The following NBPF12 variants were observed in gnomAD, a reference collection of about 807,000 sequenced individuals.
NBPF12 encodes NBPF member 12.
A neutral mutation model predicts 146.4 loss-of-function variants in NBPF12; 115 were observed. The ratio of observed to expected loss-of-function variants is 0.79; its 90% CI spans 0.68 to 0.92. The LOEUF (loss-of-function observed/expected upper bound fraction) is 0.92. Ranked by LOEUF, NBPF12 falls within the 40% of genes least tolerant of loss-of-function variation. The pLI is 0.00. For synonymous variants in NBPF12, 385 were observed against 508.9 expected, an observed-to-expected ratio of 0.76 and a Z score of 3.28; for missense variants, 1,205 against 1,326.8, an observed-to-expected ratio of 0.91 and a Z score of 1.43.
Position 146,975,266 on chromosome 1 carries a change from G to A in NBPF12, c.1905-411G>A, listed in dbSNP as rs1370734808. On this transcript the variant is annotated intron_variant, in intron 15 of 33. Coordinates refer to ENST00000617844, the Ensembl canonical transcript of NBPF12. ...GACCCTGTCATTCTTTTCTTCTTTC[G>A]TCTTTTCAATTCGCCCTATCTGCAT... 8.5e-4 allele frequency among the ~76,000 whole-genome samples: 112 copies of A among 131,232 alleles called. 1 individual carries two copies. The highest frequency in any genetic ancestry group is 3.8e-3 in the Middle Eastern group (1 of 262). 86.1% of individuals were successfully genotyped at this position (131,232 alleles called of 152,430 possible). A position where few individuals can be genotyped will look rare whatever the true frequency, so the allele number is the denominator to read the frequency against.
At chr1:146,994,124 CTCTG>C (rs1386713054) in intron 33 of NBPF12, among the ~76,000 whole-genome samples, 3 of 122,238 alleles carry the variant, frequency 2.5e-5, no homozygotes, top group East Asian at 2.5e-4. Flanking sequence ...CTGTCTCTGT[CTCTG>C]TCTCTCTCTC....
intron 9 of NBPF12, among the ~76,000 whole-genome samples, chr1:146,967,368 G>T (rs1436268179): frequency 1.3e-5 from 2 of 150,956 alleles, no homozygotes; most frequent in Admixed American, 6.6e-5. Flanking sequence ...GGGCGTGGTG[G>T]CAGGTGACTG....
intron 33 of NBPF12, 96 bp from the exon 37 acceptor site, chr1:146,994,236 T>G: frequency 1.2e-6 from 2 of 1,608,742 alleles, no homozygotes; most frequent in East Asian, 2.2e-5. Context: ...CCTTTTTCTT[T>G]TCTAACCACT....
At chr1:146,947,140 A>G (rs1209939959), upstream of NBPF12, among the ~76,000 whole-genome samples, 2 of 151,766 alleles carry the variant, frequency 1.3e-5, no homozygotes, top group African/African-American at 2.4e-5. Context: ...TCTGAACTTC[A>G]TCATGAGAAC....
At chr1:146,955,011 T>TAC (rs1326826456) in intron 2 of NBPF12, among the ~76,000 whole-genome samples, 79 of 78,866 alleles carry the variant, frequency 1.0e-3, no homozygotes, top group Non-Finnish European at 1.3e-3. Context: ...TATATATATA[T>TAC]ATACACACAC....
chr1:146,966,786 GAA>G, intron 9 of NBPF12, 113 bp downstream of exon 12: 2 of 735,144 alleles, frequency 2.7e-6, no homozygotes, highest in South Asian at 2.9e-5. Context: ...ATACTTCTAG[GAA>G]AACAGAAATG....
chr1:146,970,532 T>C (rs1267563197), intron 11 of NBPF12, 115 bp from the exon 15 acceptor site: 6 of 1,354,868 alleles, frequency 4.4e-6, no homozygotes, highest in Middle Eastern at 2.6e-4. Context: ...AACATGAGAG[T>C]TTTCAGTACA....
intron 10 of NBPF12, 34 bp downstream of exon 13, chr1:146,968,584 A>C: frequency 6.5e-7 from 1 of 1,548,188 alleles, no homozygotes; most frequent in Non-Finnish European, 8.9e-7. Flanking sequence ...GCAGGGGGGC[A>C]GGTGTGTAAA....
intron 21 of NBPF12, among the ~76,000 whole-genome samples, chr1:146,984,570 G>A (rs1657611347): frequency 6.9e-6 from 1 of 144,688 alleles, no homozygotes; most frequent in South Asian, 2.2e-4. Context: ...AATTGACTGA[G>A]CTCACACTGT....
intron 2 of NBPF12, among the ~76,000 whole-genome samples, chr1:146,956,399 T>C (rs1655589903): frequency 6.6e-6 from 1 of 151,990 alleles, no homozygotes; most frequent in Non-Finnish European, 1.5e-5. Context: ...GCATAGGGAA[T>C]TTCCTCTATC....
upstream of NBPF12, among the ~76,000 whole-genome samples, chr1:146,944,790 C>T (rs1654947842): frequency 6.6e-6 from 1 of 151,268 alleles, no homozygotes; most frequent in South Asian, 2.1e-4. Context: ...TGTTCATTTC[C>T]TTCCTTCTTT....
intron 2 of NBPF12, among the ~76,000 whole-genome samples, chr1:146,954,921 GTATA>G (rs1212777019): frequency 2.0e-4 from 18 of 91,238 alleles, no homozygotes; most frequent in African/African-American, 3.9e-4. Flanking sequence ...GTGTGTGTGT[GTATA>G]TATATATATT....
In NBPF12 at chr1:146,970,641, T is replaced by G. The variant is rs1341820041; in HGVS notation, c.1307-6T>G. ...AAATATCTGAACGAACATTTTGTAT[T>G]TATAGAAAATGATGAAGATGAGGAT... On this transcript the variant is annotated splice_polypyrimidine_tract_variant and splice_region_variant and intron_variant, in intron 11 of 33. Transcript: ENST00000617844. 2.1e-5 allele frequency: 32 copies of G among 1,539,232 alleles called. No individual in the cohort carries two copies. The highest frequency in any genetic ancestry group is 2.3e-4 in the Middle Eastern group (1 of 4,316).
In NBPF12 at chr1:146,939,111, G is replaced by C. The variant is rs1431407382; in HGVS notation, c.-822+129G>C. The C allele has an allele frequency of 4.6e-5, 7 of 152,294 alleles. 1 individual carries two copies. The South Asian group carries it at 1.2e-3, about 27-fold the overall frequency. The allele number at this position is 152,294 out of a possible 1,614,324, so 9.4% of individuals were successfully genotyped here. The stretch of plus-strand genomic sequence containing the variant: ...GAGCGGGGCGGTTGCGCCGGGCACT[G>C]CCGGGCTCCGCAGGGCTCCGCCGGG... On this transcript the variant is annotated intron_variant, in intron 1 of 35. Coordinates refer to the NBPF12 transcript ENST00000617931.
chr1:146,965,979 C>A (rs1456629779), intron 8 of NBPF12, among the ~76,000 whole-genome samples: 2 of 151,218 alleles, frequency 1.3e-5, no homozygotes, highest in East Asian at 3.9e-4. Context: ...TGTTACTTGG[C>A]GCTTGTAATC....
At chr1:146,948,136 G>A (rs1194163827), upstream of NBPF12, among the ~76,000 whole-genome samples, 1 of 151,852 alleles carries the variant, frequency 6.6e-6, no homozygotes, top group Admixed American at 6.6e-5. Context: ...TCGGCCTCCT[G>A]AATAGCTGGG....
At chr1:146,974,062 A>C (rs1251182514) in intron 14 of NBPF12, among the ~76,000 whole-genome samples, 48 of 150,830 alleles carry the variant, frequency 3.2e-4, no homozygotes, top group African/African-American at 1.1e-3. Context: ...GCTGCAATGA[A>C]TTACATCAGC....
intron 9 of NBPF12, among the ~76,000 whole-genome samples, chr1:146,967,853 G>C (rs1186144041): frequency 2.0e-5 from 3 of 148,740 alleles, no homozygotes; most frequent in Non-Finnish European, 3.0e-5. Context: ...TCATTCTGTT[G>C]TTTCTAAATT....
chr1:146,967,025 C>A lies in NBPF12; in HGVS notation c.988+352C>A, dbSNP rs1405384359. Among the ~76,000 whole-genome samples the A allele has an allele frequency of 3.3e-5, 5 of 151,262 alleles. 1 individual carries two copies. The highest frequency in any genetic ancestry group is 1.2e-4 in the African/African-American group (5 of 40,600). On this transcript the variant is annotated intron_variant, in intron 9 of 33. Transcript: ENST00000617844. ...GACAAATAACATCTAGTCTGTTGTT[C>A]TAAATATCTGAGACTAGTGAACTTT...
Sources: allele counts gnomAD v4.1 joint callset (sites outside exome capture counted in the v4.1 genomes callset), GRCh38; gene constraint gnomAD v4.1.1; transcripts MANE v1.5; gene names NCBI Gene and HGNC (gene_info 2026-07-23, HGNC 2026-07-21).